The following EPHB1 variants were observed in gnomAD, a reference collection of about 807,000 sequenced individuals.
The protein encoded by EPHB1 is EPH receptor B1.
A neutral mutation model predicts 94.4 loss-of-function variants in EPHB1; 30 were observed. The ratio of observed to expected loss-of-function variants is 0.32; its 90% CI spans 0.24 to 0.43. The LOEUF (loss-of-function observed/expected upper bound fraction) is 0.43, where lower values mean the gene tolerates loss of function less well. EPHB1 is among the 20% of genes least tolerant of loss of function. EPHB1 has a pLI of 1.00. For missense variants in EPHB1, 1,055 were observed against 1,308.3 expected (o/e 0.81, Z 2.99); for synonymous variants, 522 against 489.1 (o/e 1.07, Z -0.89).
At chr3:134,870,237 AG>A (rs1228964164) in intron 1 of EPHB1, among the ~76,000 whole-genome samples, 1 of 152,176 alleles carries the variant, frequency 6.6e-6, no homozygotes, top group Non-Finnish European at 1.5e-5. Flanking sequence ...GCCCACATCT[AG>A]ACCTGATGAC....
At chr3:135,121,764 C>T (rs1939969737) in intron 4 of EPHB1, among the ~76,000 whole-genome samples, 1 of 151,916 alleles carries the variant, frequency 6.6e-6, no homozygotes, top group African/African-American at 2.4e-5. Flanking sequence ...GATGTTTTTC[C>T]TGCTTCACAG....
chr3:135,151,798 TAACACC>T (rs1941203819), intron 5 of EPHB1, among the ~76,000 whole-genome samples: 1 of 152,152 alleles, frequency 6.6e-6, no homozygotes, highest in Non-Finnish European at 1.5e-5. Context: ...AGGCCAAATT[TAACACC>T]GTAAAGGTTG....
At chr3:135,170,620 G>A (rs1941779562) in intron 9 of EPHB1, among the ~76,000 whole-genome samples, 1 of 152,256 alleles carries the variant, frequency 6.6e-6, no homozygotes, top group South Asian at 2.1e-4. Context: ...TTGCCTGGAT[G>A]AGATGATTTA....
intron 3 of EPHB1, among the ~76,000 whole-genome samples, chr3:135,090,366 ATC>A (rs1299262711): frequency 6.6e-6 from 1 of 152,176 alleles, no homozygotes; most frequent in Non-Finnish European, 1.5e-5. Context: ...ATTCTGCCAA[ATC>A]TCTCTGCCTT....
At position 135,201,655 on chromosome 3, in the gene EPHB1, A is replaced by G. The variant is rs1190542857; in HGVS notation, c.2312A>G (p.Asp771Gly). The change falls in exon 12 of 16, where the codon GAT becomes GGT. Residue 771 changes from aspartate (D) to glycine (G), a missense_variant. Transcript: ENST00000398015. ...SDFGLSRYLQ[D>G]DTSDPTYTSS... is the part of the protein sequence containing the mutation. ...TTTGGCCTCTCCCGCTACCTCCAGGATGACACCTCAGATCCCACCTACACC... is the reference window on the plus strand; with the variant it reads ...TTTGGCCTCTCCCGCTACCTCCAGGGTGACACCTCAGATCCCACCTACACC... 6.2e-7 allele frequency: 1 copy of G among 1,613,908 alleles called. No homozygotes were observed. The highest frequency in any genetic ancestry group is 8.5e-7 in the Non-Finnish European group (1 of 1,179,974).
At chr3:135,101,144 T>C (rs1385333511) in intron 3 of EPHB1, among the ~76,000 whole-genome samples, 1 of 152,200 alleles carries the variant, frequency 6.6e-6, no homozygotes, top group Non-Finnish European at 1.5e-5. Context: ...AAGGTCTTAA[T>C]GCGAATACAC....
chr3:134,832,010 T>C (rs1016335798), intron 1 of EPHB1, among the ~76,000 whole-genome samples: 3 of 152,110 alleles, frequency 2.0e-5, no homozygotes, highest in Non-Finnish European at 2.9e-5. Context: ...CAGGGTGGGG[T>C]TGCTGGATAA....
intron 1 of EPHB1, among the ~76,000 whole-genome samples, chr3:134,862,666 G>A (rs568677221): frequency 9.9e-5 from 15 of 152,236 alleles, no homozygotes; most frequent in Admixed American, 2.0e-4. Flanking sequence ...CTTGGTTGCC[G>A]TGTGGCTCAG....
chr3:135,128,028 C>T (rs954233645), intron 4 of EPHB1, among the ~76,000 whole-genome samples: 1 of 152,202 alleles, frequency 6.6e-6, no homozygotes, highest in Non-Finnish European at 1.5e-5. Flanking sequence ...ATGCATTCAT[C>T]AGAAGTAACC....
intron 9 of EPHB1, among the ~76,000 whole-genome samples, chr3:135,170,993 T>A (rs1941788153): frequency 6.6e-6 from 1 of 152,176 alleles, no homozygotes; most frequent in Admixed American, 6.5e-5. Flanking sequence ...GCCCAAAGAC[T>A]TTAGATTGGC....
At chr3:135,067,113 CTG>C (rs1937590585) in intron 3 of EPHB1, among the ~76,000 whole-genome samples, 1 of 152,150 alleles carries the variant, frequency 6.6e-6, no homozygotes, top group Admixed American at 6.5e-5. Flanking sequence ...GAAATGGACT[CTG>C]TGAGGGTTCT....
chr3:135,098,686 C>T (rs1178521155), intron 3 of EPHB1, among the ~76,000 whole-genome samples: 1 of 151,840 alleles, frequency 6.6e-6, no homozygotes, highest in Non-Finnish European at 1.5e-5. Flanking sequence ...GCTCTTAATA[C>T]ACATCAAATA....
intron 1 of EPHB1, among the ~76,000 whole-genome samples, chr3:134,843,333 A>AT (rs1306479390): frequency 6.6e-6 from 1 of 152,064 alleles, no homozygotes; most frequent in African/African-American, 2.4e-5. Flanking sequence ...GTCTTTAAAC[A>AT]TTTGACTATG....
chr3:135,245,837 A>G (rs1943910267), intron 13 of EPHB1, among the ~76,000 whole-genome samples: 1 of 149,290 alleles, frequency 6.7e-6, no homozygotes, highest in African/African-American at 2.5e-5. Context: ...AAAGCCAATG[A>G]GATGCCATGA....
At chr3:135,258,180 G>T (rs1444485582) in intron 15 of EPHB1, among the ~76,000 whole-genome samples, 3 of 152,182 alleles carry the variant, frequency 2.0e-5, no homozygotes, top group South Asian at 4.1e-4. Context: ...CGTCGCTCAC[G>T]CTGGGAGCTG....
chr3:134,795,740 G>A, intron 1 of EPHB1, 51 bp downstream of exon 1: 2 of 1,575,838 alleles, frequency 1.3e-6, no homozygotes, highest in South Asian at 2.2e-5. Context: ...GCCGCCTTGG[G>A]ACTGCTGTGC....
At chr3:134,893,849 T>G (rs2038035426) in intron 1 of EPHB1, among the ~76,000 whole-genome samples, 1 of 152,196 alleles carries the variant, frequency 6.6e-6, no homozygotes, top group South Asian at 2.1e-4. Context: ...TCCTACCTAT[T>G]ATGTTCTGAA....
chr3:135,094,049 A>T (rs898713603), intron 3 of EPHB1, among the ~76,000 whole-genome samples: 3 of 152,198 alleles, frequency 2.0e-5, no homozygotes, highest in African/African-American at 7.2e-5. Context: ...GTGCCCTCAT[A>T]GTTAAATCTT....
intron 1 of EPHB1, among the ~76,000 whole-genome samples, chr3:134,825,299 C>T (rs996407370): frequency 4.6e-5 from 7 of 152,160 alleles, no homozygotes; most frequent in Middle Eastern, 3.2e-3. Flanking sequence ...TTCAGTTTGG[C>T]GACATAAATG....
Sources: gnomAD v4.1 joint callset for allele counts (sites outside exome capture counted in the v4.1 genomes callset) on GRCh38, gnomAD v4.1.1 for gene constraint, MANE v1.5 for transcripts, NCBI Gene and HGNC (gene_info 2026-07-23, HGNC 2026-07-21) for gene names.